Variants in PCDH11Y observed in about 807,000 individuals in gnomAD.
The protein encoded by PCDH11Y is protocadherin-11 Y-linked.
For synonymous variants in PCDH11Y, 9 were observed against 83.6 expected, an observed-to-expected ratio of 0.11 and a Z score of 4.87; for missense variants, 12 against 224.8, an observed-to-expected ratio of 0.05 and a Z score of 6.05.
intron 2 of PCDH11Y, among the ~76,000 whole-genome samples, chrY:5,279,400 C>CAAA (rs1317323743): frequency 3.8e-3 from 2 of 531 alleles, no homozygotes; most frequent in Non-Finnish European, 6.5e-3. Flanking sequence ...AATTCTGTCT[C>CAAA]AAAAAAAAAA....
At chrY:5,064,666 TTGTGTG>T (rs370211583) in intron 1 of PCDH11Y, among the ~76,000 whole-genome samples, 3 of 18,874 alleles carry the variant, frequency 1.6e-4, no homozygotes, top group African/African-American at 7.0e-4. Flanking sequence ...ACATACATAC[TTGTGTG>T]TGTGTGTGTG....
At chrY:5,159,402 G>T (rs1602877972) in intron 2 of PCDH11Y, among the ~76,000 whole-genome samples, 1 of 31,511 alleles carries the variant, frequency 3.2e-5, no homozygotes, top group East Asian at 8.6e-4. Context: ...ATAAGCGCTT[G>T]TGAGGACCTA....
At chrY:5,695,675 G>T (rs2053571895) in intron 4 of PCDH11Y, among the ~76,000 whole-genome samples, 11 of 29,115 alleles carry the variant, frequency 3.8e-4, no homozygotes, top group African/African-American at 1.2e-3. Flanking sequence ...TTACCACGAG[G>T]CTTGTAAATA....
At chrY:5,449,794 C>T in intron 2 of PCDH11Y, among the ~76,000 whole-genome samples, 1 of 33,392 alleles carries the variant, frequency 3.0e-5, no homozygotes, top group Non-Finnish European at 7.4e-5. Context: ...ATCACACTTA[C>T]AATGAGTAAC....
intron 2 of PCDH11Y, among the ~76,000 whole-genome samples, chrY:5,179,400 A>G (rs2052897445): frequency 3.0e-5 from 1 of 33,245 alleles, no homozygotes; most frequent in African/African-American, 1.2e-4. Flanking sequence ...TTCGTTTCAT[A>G]TGTTTTTTAC....
chrY:5,076,522 T>C (rs2124631410), intron 1 of PCDH11Y, among the ~76,000 whole-genome samples: 1 of 33,531 alleles, frequency 3.0e-5, no homozygotes, highest in Admixed American at 2.7e-4. Flanking sequence ...TTTCCAATGT[T>C]TTCTTGTATG....
At chrY:5,054,237 C>T, upstream of PCDH11Y, among the ~76,000 whole-genome samples, 1 of 28,691 alleles carries the variant, frequency 3.5e-5, no homozygotes, top group Non-Finnish European at 8.2e-5. Flanking sequence ...TCATTTTGGG[C>T]GGTTATCCCA....
chrY:5,264,416 A>G, intron 2 of PCDH11Y, among the ~76,000 whole-genome samples: 1 of 33,590 alleles, frequency 3.0e-5, no homozygotes, highest in Non-Finnish European at 7.5e-5. Context: ...ATGTCTCACA[A>G]TCTCACTGAA....
chrY:5,425,545 C>A (rs2053262453), intron 2 of PCDH11Y, among the ~76,000 whole-genome samples: 1 of 33,191 alleles, frequency 3.0e-5, no homozygotes, highest in Non-Finnish European at 7.5e-5. Context: ...TTTTATTTTT[C>A]ACCTTGAATC....
intron 4 of PCDH11Y, among the ~76,000 whole-genome samples, chrY:5,667,738 G>A (rs207480493): frequency 1.2e-4 from 4 of 33,209 alleles, no homozygotes; most frequent in Non-Finnish European, 3.0e-4. Context: ...TATCATCAGC[G>A]TGTGGAATGA....
intron 2 of PCDH11Y, among the ~76,000 whole-genome samples, chrY:5,125,730 G>T: frequency 3.0e-5 from 1 of 33,477 alleles, no homozygotes; most frequent in East Asian, 7.9e-4. Context: ...ACTCAGCTCA[G>T]GTTCCTCTAT....
intron 2 of PCDH11Y, among the ~76,000 whole-genome samples, chrY:5,271,459 TC>T: frequency 3.2e-5 from 1 of 31,583 alleles, no homozygotes. Flanking sequence ...CAACATACTT[TC>T]CCATGGGATT....
At chrY:5,141,924 G>T (rs1602875385) in intron 2 of PCDH11Y, among the ~76,000 whole-genome samples, 2 of 26,306 alleles carry the variant, frequency 7.6e-5, no homozygotes, top group African/African-American at 3.1e-4. Context: ...GGGATCTAAT[G>T]AAACTAAAGA....
intron 2 of PCDH11Y, among the ~76,000 whole-genome samples, chrY:5,372,378 G>A: frequency 3.0e-5 from 1 of 33,827 alleles, no homozygotes; most frequent in Admixed American, 2.7e-4. Context: ...TGGCAGTACA[G>A]TGACAAATAA....
intron 4 of PCDH11Y, among the ~76,000 whole-genome samples, chrY:5,653,249 C>T (rs2124706389): frequency 3.3e-5 from 1 of 29,873 alleles, no homozygotes; most frequent in Non-Finnish European, 7.9e-5. Context: ...CAAAGCTGGA[C>T]AGAGAATGAC....
intron 2 of PCDH11Y, among the ~76,000 whole-genome samples, chrY:5,217,731 A>T: frequency 1.2e-4 from 4 of 33,838 alleles, no homozygotes; most frequent in Non-Finnish European, 2.2e-4. Context: ...TGCATAACTA[A>T]GCATTTTGAA....
intron 2 of PCDH11Y, among the ~76,000 whole-genome samples, chrY:5,419,676 G>A: frequency 3.2e-5 from 1 of 31,532 alleles, no homozygotes; most frequent in Non-Finnish European, 7.7e-5. Flanking sequence ...GATGTCCACC[G>A]TCTTGCTGTG....
At chrY:5,244,691 G>T in intron 2 of PCDH11Y, among the ~76,000 whole-genome samples, 1 of 34,257 alleles carries the variant, frequency 2.9e-5, no homozygotes, top group African/African-American at 1.1e-4. Flanking sequence ...GAGCTGCATA[G>T]ATTCTCAAAA....
intron 2 of PCDH11Y, among the ~76,000 whole-genome samples, chrY:5,251,740 ATAT>A (rs2053004421): frequency 6.2e-5 from 2 of 32,368 alleles, no homozygotes; most frequent in African/African-American, 1.2e-4. Flanking sequence ...CCTTATTTGC[ATAT>A]TATATTTATG....
Sources: gnomAD v4.1 joint callset for allele counts (sites outside exome capture counted in the v4.1 genomes callset) on GRCh38, gnomAD v4.1.1 for gene constraint, MANE v1.5 for transcripts, NCBI Gene and HGNC (gene_info 2026-07-23, HGNC 2026-07-21) for gene names.